Variants in STAT5B observed in about 807,000 individuals in gnomAD.
STAT5B encodes signal transducer and activator of transcription 5B, also known as transcription factor STAT5B.
In STAT5B, 21 loss-of-function variants were observed where a neutral mutation model predicts 107.8. The ratio of observed to expected loss-of-function variants is 0.19; its 90% confidence interval spans 0.14 to 0.28. The LOEUF (loss-of-function observed/expected upper bound fraction) is 0.28, where lower values mean the gene tolerates loss of function less well. STAT5B is among the 10% of genes least tolerant of loss of function. The probability of loss-of-function intolerance (pLI) is 1.00; values close to 1 mark genes in which losing one functional copy is unlikely to be tolerated. For synonymous variants in STAT5B, 325 were observed against 401.7 expected, an observed-to-expected ratio of 0.81 and a Z score of 2.28; for missense variants, 565 against 1,008.2, an observed-to-expected ratio of 0.56 and a Z score of 5.95.
chr17:42,225,108 G>A (rs1418645604), intron 3 of STAT5B, among the ~76,000 whole-genome samples: 1 of 152,062 alleles, frequency 6.6e-6, no homozygotes, highest in Non-Finnish European at 1.5e-5. Context: ...AGGCTGGAGT[G>A]CAGTGGCACA....
At chr17:42,208,158 C>T (rs1211822757) in intron 15 of STAT5B, among the ~76,000 whole-genome samples, 1 of 152,106 alleles carries the variant, frequency 6.6e-6, no homozygotes, top group Admixed American at 6.5e-5. Context: ...TCCCAAAGTG[C>T]TGGGATTACA....
At chr17:42,255,588 A>T (rs1043979912) in intron 1 of STAT5B, among the ~76,000 whole-genome samples, 2 of 152,238 alleles carry the variant, frequency 1.3e-5, no homozygotes, top group African/African-American at 4.8e-5. Flanking sequence ...CTGATATAAG[A>T]TGCCTGGAGT....
rs1015889750 is a variant in STAT5B at position 42,199,402 on chromosome 17, T to G, written c.*2336A>C. On this transcript the variant is annotated 3_prime_UTR_variant, in exon 19 of 19. Transcript: ENST00000293328. The stretch of plus-strand genomic sequence containing the variant: ...AAGAAAAATTATAAAAAGTATACTT[T>G]CATTTTAAGTTATATTCGATTTTAG... 4.6e-5 allele frequency: 7 copies of G among 152,286 alleles called. No individual in the cohort carries two copies. The highest frequency in any genetic ancestry group is 8.8e-5 in the Non-Finnish European group (6 of 68,042). The allele number at this position is 152,286 out of a possible 1,614,324, so 9.4% of individuals were successfully genotyped here.
intron 2 of STAT5B, among the ~76,000 whole-genome samples, chr17:42,231,194 T>C (rs2080314561): frequency 6.6e-6 from 1 of 152,134 alleles, no homozygotes; most frequent in African/African-American, 2.4e-5. Context: ...TTTTTTGACA[T>C]AGGATCTTGC....
rs118104116 is a variant in STAT5B, at chr17:42,265,971, C to T, written c.-11+10277G>A. On this transcript the variant is annotated intron_variant, in intron 1 of 18. Coordinates refer to ENST00000293328, the MANE Select transcript of STAT5B (RefSeq NM_012448.4). Reference sequence around the variant, plus strand: ...ACTTATATAGATTACTTATATATTACGAATATTTACCCATAATGCTTTGTC... The same window carrying T: ...ACTTATATAGATTACTTATATATTATGAATATTTACCCATAATGCTTTGTC... 4.9e-4 allele frequency among the ~76,000 whole-genome samples: 75 copies of T among 152,020 alleles called. No individual in the cohort carries two copies. The East Asian group carries it at 0.012, about 23-fold the overall frequency.
At chr17:42,263,802 T>C (rs764500542) in intron 1 of STAT5B, among the ~76,000 whole-genome samples, 5 of 151,778 alleles carry the variant, frequency 3.3e-5, no homozygotes, top group South Asian at 4.2e-4. Context: ...GCTGGAAATA[T>C]AGGCATGAGT....
chr17:42,213,998 T>C (rs1202728903), intron 12 of STAT5B, among the ~76,000 whole-genome samples: 2 of 151,162 alleles, frequency 1.3e-5, no homozygotes, highest in East Asian at 2.0e-4. Flanking sequence ...AAAAAATTAA[T>C]TGGGCGTGGT....
chr17:42,240,590 A>C (rs1422257044), intron 1 of STAT5B, among the ~76,000 whole-genome samples: 1 of 152,178 alleles, frequency 6.6e-6, no homozygotes, highest in Non-Finnish European at 1.5e-5. Context: ...TAACTCTGAG[A>C]ATATACTTCA....
chr17:42,256,249 C>A (rs933587399), intron 1 of STAT5B, among the ~76,000 whole-genome samples: 2 of 151,972 alleles, frequency 1.3e-5, no homozygotes, highest in Non-Finnish European at 2.9e-5. Context: ...TCTCCCCCAT[C>A]CCCCCAACTT....
At chr17:42,219,181 G>A (rs1443604849) in intron 7 of STAT5B, 131 bp downstream of exon 7, 2 of 1,399,766 alleles carry the variant, frequency 1.4e-6, no homozygotes, top group African/African-American at 2.9e-5. Flanking sequence ...TGAGGAACCA[G>A]GCTCCCTGGA....
At chr17:42,218,900 A>G in intron 7 of STAT5B, 22 bp from the exon 8 acceptor site, 1 of 1,613,802 alleles carries the variant, frequency 6.2e-7, no homozygotes, top group Non-Finnish European at 8.5e-7. Context: ...CCCCAAGGCC[A>G]ACAGGAGGAC....
intron 7 of STAT5B, among the ~76,000 whole-genome samples, 197 bp from the exon 8 acceptor site, chr17:42,219,075 C>A (rs1031030361): frequency 2.0e-5 from 3 of 152,132 alleles, no homozygotes; most frequent in African/African-American, 7.2e-5. Flanking sequence ...GCCCAAACAG[C>A]CCAAGCATCA....
In STAT5B at chr17:42,233,181, T is replaced by C. The variant is rs1334700617; in HGVS notation, c.-10-1044A>G. Among the ~76,000 whole-genome samples the C allele has an allele frequency of 2.0e-5, 3 of 152,200 alleles. No individual in the cohort carries two copies. The East Asian group carries it at 5.8e-4, about 29-fold the overall frequency. ...ATCACTTGTTTTAGATTTGGTATTT[T>C]GACTTCAGAAATATAATAAACATAT... On this transcript the variant is annotated intron_variant, in intron 1 of 18. Coordinates refer to ENST00000293328, the MANE Select transcript of STAT5B (RefSeq NM_012448.4).
Position 42,263,893 on chromosome 17 carries a change from A to G in STAT5B, c.-11+12355T>C, listed in dbSNP as rs879448869. On this transcript the variant is annotated intron_variant, in intron 1 of 18. Transcript: ENST00000293328. ...CGCGCACACACACACACACACACAC[A>G]CACACACACACACACACAGGGAACT... Among the ~76,000 whole-genome samples the G allele has an allele frequency of 5.6e-3, 845 of 151,902 alleles. 3 individuals carry two copies. The highest frequency in any genetic ancestry group is 8.3e-3 in the Non-Finnish European group (565 of 67,920).
intron 16 of STAT5B, 169 bp from the exon 17 acceptor site, chr17:42,202,977 C>T: frequency 1.1e-6 from 1 of 869,936 alleles, no homozygotes; most frequent in East Asian, 2.7e-5. Flanking sequence ...CAGTCTCACT[C>T]TCTCATCCAG....
Position 42,227,512 on chromosome 17 carries a change from C to G in STAT5B, c.285+17G>C. The G allele has an allele frequency of 5.0e-6, 8 of 1,612,710 alleles. No individual in the cohort carries two copies. The highest frequency in any genetic ancestry group is 6.8e-6 in the Non-Finnish European group (8 of 1,179,844). ...CAAGGGAAGGTAATTAAGTGTGACC[C>G]CAGAGCCCACACCCACCTGGAGCTG... On this transcript the variant is annotated intron_variant, in intron 3 of 18. Transcript: ENST00000293328.
intron 1 of STAT5B, among the ~76,000 whole-genome samples, chr17:42,259,007 G>C (rs2080571192): frequency 6.6e-6 from 1 of 152,190 alleles, no homozygotes; most frequent in Admixed American, 6.5e-5. Context: ...ATGAAGAGTA[G>C]CTAAGACCAA....
chr17:42,221,732 A>G (rs558968279), intron 5 of STAT5B, among the ~76,000 whole-genome samples: 1 of 152,236 alleles, frequency 6.6e-6, no homozygotes. Flanking sequence ...CCTTTACTCA[A>G]TAACTGTTAT....
rs962965795 is a variant in STAT5B, at chr17:42,238,442, G to A, written c.-10-6305C>T. On this transcript the variant is annotated intron_variant, in intron 1 of 18. Transcript: ENST00000293328. ...GCTGGGATTAGAGGCACAAGCCATTGTGCCTGGCCTTTTTTTTTTTTTTTT... is the reference window on the plus strand; with the variant it reads ...GCTGGGATTAGAGGCACAAGCCATTATGCCTGGCCTTTTTTTTTTTTTTTT... Among the ~76,000 whole-genome samples, 3 of 136,326 alleles carry A rather than the reference G, an allele frequency of 2.2e-5. No individual in the cohort carries two copies. The East Asian group carries it at 6.5e-4, about 29-fold the overall frequency. 89.4% of individuals were successfully genotyped at this position (136,326 alleles called of 152,430 possible).
Sources: allele counts gnomAD v4.1 joint callset (sites outside exome capture counted in the v4.1 genomes callset), GRCh38; gene constraint gnomAD v4.1.1; transcripts MANE v1.5; gene names NCBI Gene and HGNC (gene_info 2026-07-23, HGNC 2026-07-21).